The following PDGFC variants were observed in gnomAD, a reference collection of about 807,000 sequenced individuals.
PDGFC encodes platelet-derived growth factor C.
In PDGFC, 12 loss-of-function variants were observed where a neutral mutation model predicts 35.5. That is an observed-to-expected ratio of 0.34 (90% CI 0.22 to 0.55). The LOEUF is 0.55. Ranked by LOEUF, PDGFC falls within the 20% of genes least tolerant of loss-of-function variation. The probability of loss-of-function intolerance (pLI) is 0.91; values close to 1 mark genes in which losing one functional copy is unlikely to be tolerated. For missense variants in PDGFC, 322 were observed against 412.4 expected (o/e 0.78, Z 1.90); for synonymous variants, 159 against 148.8 (o/e 1.07, Z -0.50).
intron 1 of PDGFC, among the ~76,000 whole-genome samples, chr4:156,881,963 T>G (rs185004061): frequency 3.3e-5 from 5 of 152,150 alleles, no homozygotes; most frequent in Admixed American, 2.0e-4. Flanking sequence ...CATGTGAAAC[T>G]GTAAGTCCAT....
At chr4:156,815,357 C>CAA (rs1157580613) in intron 2 of PDGFC, among the ~76,000 whole-genome samples, 1 of 151,046 alleles carries the variant, frequency 6.6e-6, no homozygotes, top group Admixed American at 6.6e-5. Context: ...CACACACACA[C>CAA]ACACACACAC....
intron 1 of PDGFC, among the ~76,000 whole-genome samples, chr4:156,883,872 A>G (rs573811304): frequency 6.0e-4 from 92 of 152,264 alleles, no homozygotes; most frequent in African/African-American, 2.0e-3. Context: ...CTACTTCTCA[A>G]TTGGCATTGA....
intron 1 of PDGFC, among the ~76,000 whole-genome samples, chr4:156,955,738 C>T (rs1732194171): frequency 6.6e-6 from 1 of 151,866 alleles, no homozygotes; most frequent in Non-Finnish European, 1.5e-5. Flanking sequence ...CAGCCAAGGT[C>T]CTTCAGTGGT....
At chr4:156,822,142 G>A (rs778095218) in intron 2 of PDGFC, among the ~76,000 whole-genome samples, 15 of 151,998 alleles carry the variant, frequency 9.9e-5, no homozygotes, top group African/African-American at 1.2e-4. Context: ...GGTAGATCAC[G>A]AGTTCAGGAG....
chr4:156,774,120 A>G (rs1444648832), intron 3 of PDGFC, among the ~76,000 whole-genome samples: 1 of 152,120 alleles, frequency 6.6e-6, no homozygotes. Flanking sequence ...TGCCTATGTG[A>G]TTTCTCATCT....
At chr4:156,789,680 A>G (rs551539258) in intron 3 of PDGFC, among the ~76,000 whole-genome samples, 12 of 152,324 alleles carry the variant, frequency 7.9e-5, no homozygotes, top group African/African-American at 2.6e-4. Context: ...ATCACTAAAA[A>G]TTAGAAAGAA....
intron 1 of PDGFC, among the ~76,000 whole-genome samples, chr4:156,903,947 G>A (rs183064166): frequency 1.2e-4 from 18 of 152,274 alleles, no homozygotes; most frequent in East Asian, 1.2e-3. Context: ...TCACTAGTGT[G>A]ATTTAATGTT....
At chr4:156,969,929 G>C (rs114353415) in intron 1 of PDGFC, among the ~76,000 whole-genome samples, 2 of 152,252 alleles carry the variant, frequency 1.3e-5, no homozygotes, top group South Asian at 4.1e-4. Context: ...TAGATGAAGA[G>C]AAAAAGAGTT....
At chr4:156,897,350 ATGTGTGTGTGTG>A (rs70956698) in intron 1 of PDGFC, among the ~76,000 whole-genome samples, 29 of 143,092 alleles carry the variant, frequency 2.0e-4, no homozygotes, top group African/African-American at 7.2e-4. Flanking sequence ...GTGAGAGTGT[ATGTGTGTGTGTG>A]TGTGTGTGTG....
intron 1 of PDGFC, among the ~76,000 whole-genome samples, chr4:156,925,135 A>G (rs900704323): frequency 1.3e-5 from 2 of 152,220 alleles, no homozygotes; most frequent in African/African-American, 4.8e-5. Context: ...CTGGAGCTCC[A>G]TGTGTTTTCA....
chr4:156,913,151 T>C (rs1348403575), intron 1 of PDGFC, among the ~76,000 whole-genome samples: 1 of 152,130 alleles, frequency 6.6e-6, no homozygotes, highest in Non-Finnish European at 1.5e-5. Flanking sequence ...TCGCATCAAC[T>C]ATCACTAATA....
chr4:156,955,639 T>C (rs576790204), intron 1 of PDGFC, among the ~76,000 whole-genome samples: 2 of 152,056 alleles, frequency 1.3e-5, no homozygotes, highest in South Asian at 4.1e-4. Context: ...TATTTAATGA[T>C]CTGTTATAGG....
In PDGFC at chr4:156,970,716, C is replaced by G. The variant is rs28690401; in HGVS notation, c.118+70G>C. 3.1e-3 allele frequency: 2,936 copies of G among 944,332 alleles called. 16 individuals are homozygous for G. Among genetic ancestry groups the G allele is most frequent in the African/African-American group, 0.013 (835 of 62,566 alleles). The allele number at this position is 944,332 out of a possible 1,614,324, so 58.5% of individuals were successfully genotyped here. A position where few individuals can be genotyped will look rare whatever the true frequency, so the allele number is the denominator to read the frequency against. On this transcript the variant is annotated intron_variant, in intron 1 of 5. Coordinates refer to ENST00000502773, the MANE Select transcript of PDGFC (RefSeq NM_016205.3). Reference sequence around the variant, plus strand: ...TTCACAGTCTGGTATATATCACATACCAACGCACAATGCCAACGTTAACAC... The same window carrying G: ...TTCACAGTCTGGTATATATCACATAGCAACGCACAATGCCAACGTTAACAC...
At chr4:156,904,472 TTA>T (rs569880240) in intron 1 of PDGFC, among the ~76,000 whole-genome samples, 113 of 152,218 alleles carry the variant, frequency 7.4e-4, no homozygotes, top group African/African-American at 2.5e-3. Flanking sequence ...CCATAGAAAT[TTA>T]TCTTTCACAT....
At chr4:156,872,513 C>T (rs1730009526) in intron 1 of PDGFC, among the ~76,000 whole-genome samples, 1 of 152,186 alleles carries the variant, frequency 6.6e-6, no homozygotes, top group Admixed American at 6.5e-5. Context: ...ACACTCCTCT[C>T]ATCCCATCTG....
chr4:156,872,534 GC>G (rs1730009979), intron 1 of PDGFC, among the ~76,000 whole-genome samples: 1 of 152,144 alleles, frequency 6.6e-6, no homozygotes, highest in African/African-American at 2.4e-5. Context: ...AATGCCTGAT[GC>G]ACATCCTTCA....
intron 1 of PDGFC, among the ~76,000 whole-genome samples, chr4:156,856,425 T>C (rs1729582819): frequency 6.6e-6 from 1 of 152,136 alleles, no homozygotes; most frequent in South Asian, 2.1e-4. Context: ...CGATAACCTC[T>C]AGGGTTGTAA....
chr4:156,905,821 A>G (rs1450862427), intron 1 of PDGFC, among the ~76,000 whole-genome samples: 1 of 152,064 alleles, frequency 6.6e-6, no homozygotes, highest in African/African-American at 2.4e-5. Flanking sequence ...TTACATCTAC[A>G]CGCAAGACCT....
In PDGFC at chr4:156,767,742, A is replaced by G. The variant is rs772532726; in HGVS notation, c.921+31T>C. ...TTTGTTCTAAGACATAAAATACCCG[A>G]AGGAAACCAAAAAGAAAATTGTATA... is the stretch of plus-strand genomic sequence containing the variant. On this transcript the variant is annotated intron_variant, in intron 5 of 5. Transcript: ENST00000502773. 2.1e-6 allele frequency: 3 copies of G among 1,418,696 alleles called. No homozygotes were observed. In the East Asian group the frequency reaches 6.8e-5, roughly 32 times the overall value. The allele number at this position is 1,418,696 out of a possible 1,614,324, so 87.9% of individuals were successfully genotyped here.
Sources: gnomAD v4.1 joint callset for allele counts (sites outside exome capture counted in the v4.1 genomes callset) on GRCh38, gnomAD v4.1.1 for gene constraint, MANE v1.5 for transcripts, NCBI Gene and HGNC (gene_info 2026-07-23, HGNC 2026-07-21) for gene names.